Variants in IMPDH1 observed in about 807,000 individuals in gnomAD.
The protein encoded by IMPDH1 is inosine monophosphate dehydrogenase 1.
In IMPDH1, 41 loss-of-function variants were observed where a neutral mutation model predicts 73.5. The observed-to-expected ratio is 0.56, with a 90% confidence interval of 0.43 to 0.72. The LOEUF (loss-of-function observed/expected upper bound fraction) is 0.72, where lower values mean the gene tolerates loss of function less well. IMPDH1 is among the 30% of genes least tolerant of loss of function. The pLI, the probability that IMPDH1 is intolerant of heterozygous loss-of-function variation, is 0.00. For missense variants in IMPDH1, 645 were observed against 824.8 expected (o/e 0.78, Z 2.67); for synonymous variants, 318 against 334.3 (o/e 0.95, Z 0.53).
intron 3 of IMPDH1, 171 bp from the exon 4 acceptor site, chr7:128,406,036 C>T (rs1008500478): frequency 1.7e-5 from 4 of 237,944 alleles, no homozygotes; most frequent in African/African-American, 4.7e-5. Flanking sequence ...GGCCAGGGCG[C>T]CGCCCTGTCC....
intron 9 of IMPDH1, 34 bp downstream of exon 9, chr7:128,400,061 C>A (rs987861927): frequency 3.3e-6 from 5 of 1,496,608 alleles, no homozygotes; most frequent in Non-Finnish European, 4.6e-6. Context: ...GGGAGTCAGG[C>A]TGGGGGTTGA....
intron 5 of IMPDH1, 106 bp downstream of exon 5, chr7:128,403,600 C>CCAAGAA (rs1211704910): frequency 8.2e-6 from 8 of 980,436 alleles, no homozygotes; most frequent in Admixed American, 1.7e-5. Flanking sequence ...CCACCCATTC[C>CCAAGAA]CAAGAAAAGT....
intron 12 of IMPDH1, 130 bp from the exon 13 acceptor site, chr7:128,395,404 G>T: frequency 1.8e-6 from 2 of 1,107,484 alleles, no homozygotes; most frequent in Non-Finnish European, 2.6e-6. Flanking sequence ...TGGATGGTGT[G>T]TCTGAGGCAT....
In IMPDH1 at chr7:128,398,456, A is replaced by G; in HGVS notation, c.1032T>C (p.Arg344=). The G allele has an allele frequency of 6.2e-7, 1 of 1,613,406 alleles. No individual in the cohort carries two copies. Among genetic ancestry groups the G allele is most frequent in the Non-Finnish European group, 8.5e-7 (1 of 1,179,782 alleles). The part of the protein sequence containing the change: ...AVGTREDDKY[R]LDLLTQAGVD... ...CGCCCGCCTGGGTGAGCAGGTCCAGACGGTATTTGTCATCCTCACGGGTGC... is the reference window on the plus strand; with the variant it reads ...CGCCCGCCTGGGTGAGCAGGTCCAGGCGGTATTTGTCATCCTCACGGGTGC... Residue 344 remains arginine (R), a synonymous_variant, in exon 10 of 17, where the codon CGT becomes CGC. Coordinates refer to ENST00000338791, the MANE Select transcript of IMPDH1 (RefSeq NM_000883.4). The surrounding 1 kb of genome is among the most constrained non-coding windows in gnomAD (Gnocchi z 4.3).
rs966701362 is a variant in IMPDH1 at position 128,392,541 on chromosome 7, T to G, written c.*466A>C. 3 of 175,982 alleles carry G rather than the reference T, an allele frequency of 1.7e-5. No individual in the cohort carries two copies. The highest frequency in any genetic ancestry group is 7.2e-5 in the African/African-American group (3 of 41,806). 10.9% of individuals were successfully genotyped at this position (175,982 alleles called of 1,614,324 possible). A position where few individuals can be genotyped will look rare whatever the true frequency, so the allele number is the denominator to read the frequency against. On this transcript the variant is annotated 3_prime_UTR_variant, in exon 17 of 17. Transcript: ENST00000338791. The stretch of plus-strand genomic sequence containing the variant: ...AGGGCCGGGGAAGGGGGCAGAGACC[T>G]CCCCTTGGCCTAGGTCAGGAGCTCA...
In IMPDH1 at chr7:128,394,399, A is replaced by G; in HGVS notation, c.1695-38T>C. 6.2e-7 allele frequency: 1 copy of G among 1,611,776 alleles called. No homozygotes were observed. Among genetic ancestry groups the G allele is most frequent in the Non-Finnish European group, 8.5e-7 (1 of 1,177,914 alleles). On this transcript the variant is annotated intron_variant, in intron 15 of 16. Coordinates refer to ENST00000338791, the MANE Select transcript of IMPDH1 (RefSeq NM_000883.4). The surrounding 1 kb of genome is among the most constrained non-coding windows in gnomAD (Gnocchi z 5.5). ...TAGGTGGAGCAGATCAGGGCCACCA[A>G]GGGTGGAGAAGAGCGAGAGAAAGGA...
intron 3 of IMPDH1, 178 bp from the exon 4 acceptor site, chr7:128,406,043 G>T: frequency 4.6e-6 from 1 of 218,496 alleles, no homozygotes. Flanking sequence ...GCGCCGCCCT[G>T]TCCTCCCGCC....
At position 128,395,339 on chromosome 7, in the gene IMPDH1, G is replaced by T. The variant is rs931259654; in HGVS notation, c.1262-65C>A. The stretch of plus-strand genomic sequence containing the variant: ...CAGCAACTCCGGGGCCTGGAGCGGG[G>T]CCAGCCCAGCTCTTCCTCCTGTGCA... On this transcript the variant is annotated intron_variant, in intron 12 of 16. Transcript: ENST00000338791. 3.2e-6 allele frequency: 5 copies of T among 1,580,482 alleles called. No individual in the cohort carries two copies. In the Admixed American group the frequency reaches 5.0e-5, roughly 16 times the overall value.
At chr7:128,406,252 T>G (rs1273092432) in intron 3 of IMPDH1, among the ~76,000 whole-genome samples, 1 of 140,584 alleles carries the variant, frequency 7.1e-6, no homozygotes, top group Non-Finnish European at 1.6e-5. Flanking sequence ...CCGCTCTACA[T>G]CCAGCCACCC....
chr7:128,403,836 A>AG, intron 4 of IMPDH1, 82 bp from the exon 5 acceptor site: 1 of 1,227,796 alleles, frequency 8.1e-7, no homozygotes, highest in Non-Finnish European at 1.2e-6. Context: ...AGGAGGCAGC[A>AG]GGGGGGTACA....
At position 128,398,282 on chromosome 7, in the gene IMPDH1, C is replaced by A. The variant is rs1798067448; in HGVS notation, c.1074+132G>T. ...CCCTCCTAATTCTGACACCAGGGAGCACTCAGAAAGAGAGAGGAAGAGTAG... is the reference window on the plus strand; with the variant it reads ...CCCTCCTAATTCTGACACCAGGGAGAACTCAGAAAGAGAGAGGAAGAGTAG... On this transcript the variant is annotated intron_variant, in intron 10 of 16. Transcript: ENST00000338791. The surrounding 1 kb of genome is among the most constrained non-coding windows in gnomAD (Gnocchi z 4.3). 1.4e-6 allele frequency: 1 copy of A among 701,786 alleles called. No homozygotes were observed. The highest frequency in any genetic ancestry group is 2.5e-6 in the Non-Finnish European group (1 of 405,688). The allele number at this position is 701,786 out of a possible 1,614,324, so 43.5% of individuals were successfully genotyped here.
chr7:128,406,531 CG>C (rs1475428279), intron 3 of IMPDH1, among the ~76,000 whole-genome samples: 3 of 151,894 alleles, frequency 2.0e-5, no homozygotes, highest in African/African-American at 7.3e-5. Flanking sequence ...CCTAGGGAGC[CG>C]GCATTCTTCA....
At chr7:128,405,972 C>T (rs964369307) in intron 3 of IMPDH1, 107 bp from the exon 4 acceptor site, 6 of 968,468 alleles carry the variant, frequency 6.2e-6, no homozygotes, top group Non-Finnish European at 5.0e-6. Flanking sequence ...CACGCTGCTG[C>T]CGCGGGCCGG....
Position 128,393,019 on chromosome 7 carries a change from C to T in IMPDH1, c.1788G>A (p.Lys596=). 6.2e-7 allele frequency: 1 copy of T among 1,613,902 alleles called. No individual in the cohort carries two copies. The part of the protein sequence containing the change: ...GGVHGLHSYE[K]RLY ...TCCACCGCTGTCCTCAGTACAGCCG[C>T]TTTTCGTAACTGTGGGGACAAGGCA... is the stretch of plus-strand genomic sequence containing the variant. Residue 596 remains lysine, a synonymous_variant, in exon 17 of 17, where the codon AAG becomes AAA. Transcript: ENST00000338791.
chr7:128,396,609 T>C lies in IMPDH1; in HGVS notation c.1252A>G (p.Thr418Ala). 6.4e-7 allele frequency: 1 copy of C among 1,553,434 alleles called. No homozygotes were observed. The highest frequency in any genetic ancestry group is 1.4e-5 in the African/African-American group (1 of 73,380). Residue 418 changes from threonine to alanine, a missense_variant, in exon 12 of 17, where the codon ACC (threonine) becomes GCC (alanine). Thr to Ala is a moderately conservative substitution (Grantham distance 58). This residue lies in a region of IMPDH1 where 459 missense variants were observed against 638.2 expected (regional missense o/e 0.72). Coordinates refer to ENST00000338791, the MANE Select transcript of IMPDH1 (RefSeq NM_000883.4). The surrounding 1 kb of genome is among the most constrained non-coding windows in gnomAD (Gnocchi z 4.0). ...VGMGCGSICI[T>A]QEVMACGRPQ... The stretch of plus-strand genomic sequence containing the variant: ...ACCTCCTGACACCCACCTTCCTGGG[T>C]GATGCAGATGGAGCCGCAGCCCATG...
chr7:128,392,755 C>A lies in IMPDH1; in HGVS notation c.*252G>T, dbSNP rs1414203072. The A allele has an allele frequency of 1.7e-5, 9 of 537,278 alleles. No individual in the cohort carries two copies. In the African/African-American group the frequency reaches 1.7e-4, roughly 10 times the overall value. The allele number at this position is 537,278 out of a possible 1,614,324, so 33.3% of individuals were successfully genotyped here. A position where few individuals can be genotyped will look rare whatever the true frequency, so the allele number is the denominator to read the frequency against. On this transcript the variant is annotated 3_prime_UTR_variant, in exon 17 of 17. Transcript: ENST00000338791. ...AGAAAGACCTGAGGCAGGCGCAGGG[C>A]CTGAGAGCCTGGCTGGCTGGGCTCG...
chr7:128,393,045 A>AG lies in IMPDH1; in HGVS notation c.1779-18dup. On this transcript the variant is annotated splice_polypyrimidine_tract_variant and intron_variant, in intron 16 of 16. Coordinates refer to ENST00000338791, the MANE Select transcript of IMPDH1 (RefSeq NM_000883.4). ...TTTTCGTAACTGTGGGGACAAGGCA[A>AG]GAGGGGGAACAAGAGTGGGTGTGTG... The AG allele has an allele frequency of 6.2e-7, 1 of 1,613,814 alleles. No individual in the cohort carries two copies. Among genetic ancestry groups the AG allele is most frequent in the Non-Finnish European group, 8.5e-7 (1 of 1,179,810 alleles).
chr7:128,405,981 G>A (rs1160436102), intron 3 of IMPDH1, 116 bp from the exon 4 acceptor site: 1 of 858,698 alleles, frequency 1.2e-6, no homozygotes, highest in East Asian at 1.1e-4. Flanking sequence ...GCCGCGGGCC[G>A]GGCGGGCCGG....
rs1035926522 is a variant in IMPDH1, at chr7:128,398,878, C to T, written c.875-265G>A. ...TCCCCGTGGCCTGGGATGGGCAGCC[C>T]GAGCACTGGCAGCCTTTCACCTGCT... On this transcript the variant is annotated intron_variant, in intron 9 of 16. Coordinates refer to ENST00000338791, the MANE Select transcript of IMPDH1 (RefSeq NM_000883.4). This position sits in a 1 kb window ranked among gnomAD's most constrained non-coding sequence, Gnocchi z 4.3. 9.9e-5 allele frequency among the ~76,000 whole-genome samples: 15 copies of T among 152,104 alleles called. No individual in the cohort carries two copies. Among genetic ancestry groups the T allele is most frequent in the Admixed American group, 2.0e-4 (3 of 15,274 alleles).
Sources: gnomAD v4.1 joint callset for allele counts (sites outside exome capture counted in the v4.1 genomes callset) on GRCh38, gnomAD v4.1.1 for gene constraint, gnomAD v4.1.1 regional missense constraint, Gnocchi (gnomAD v3.1) non-coding constraint, MANE v1.5 for transcripts, NCBI Gene and HGNC (gene_info 2026-07-23, HGNC 2026-07-21) for gene names.